The following USP3 variants were observed in gnomAD, a reference collection of about 807,000 sequenced individuals.
The protein encoded by USP3 is ubiquitin carboxyl-terminal hydrolase 3.
In USP3, 20 loss-of-function variants were observed where a neutral mutation model predicts 72.3. The observed-to-expected ratio is 0.28, with a 90% CI of 0.19 to 0.40. The LOEUF (loss-of-function observed/expected upper bound fraction) is 0.40, where lower values mean the gene tolerates loss of function less well. USP3 is among the 10% of genes least tolerant of loss of function. USP3 has a pLI of 1.00. For synonymous variants in USP3, 222 were observed against 225.3 expected (o/e 0.99, Z 0.13); for missense variants, 479 against 633.9 (o/e 0.76, Z 2.62).
At chr15:63,508,577 G>A (rs1221248975) in intron 1 of USP3, among the ~76,000 whole-genome samples, 1 of 152,132 alleles carries the variant, frequency 6.6e-6, no homozygotes, top group African/African-American at 2.4e-5. Context: ...TTAAATAAAA[G>A]GGCATTCTCT....
At chr15:63,586,285 A>G (rs1247966917) in intron 11 of USP3, among the ~76,000 whole-genome samples, 1 of 152,162 alleles carries the variant, frequency 6.6e-6, no homozygotes, top group Non-Finnish European at 1.5e-5. Flanking sequence ...GTCTTTCACC[A>G]TTGAGTGTGA....
chr15:63,516,237 C>A (rs761077878), intron 1 of USP3, among the ~76,000 whole-genome samples: 1 of 152,174 alleles, frequency 6.6e-6, no homozygotes, highest in African/African-American at 2.4e-5. Context: ...ACCCATTCAA[C>A]GGATTAGATA....
intron 3 of USP3, among the ~76,000 whole-genome samples, chr15:63,551,513 T>C (rs1021183326): frequency 2.0e-5 from 3 of 152,080 alleles, no homozygotes; most frequent in Non-Finnish European, 4.4e-5. Context: ...CAATGCTACA[T>C]TGTTGCATAG....
At chr15:63,562,240 A>C (rs1287846722) in intron 7 of USP3, among the ~76,000 whole-genome samples, 2 of 152,216 alleles carry the variant, frequency 1.3e-5, no homozygotes, top group Non-Finnish European at 2.9e-5. Context: ...GCCCAGGAAA[A>C]AAATGAGCGT....
chr15:63,509,317 A>T (rs1191114110), intron 1 of USP3, among the ~76,000 whole-genome samples: 5 of 152,220 alleles, frequency 3.3e-5, no homozygotes, highest in Admixed American at 3.3e-4. Context: ...TGATAAATAA[A>T]GGAACTATCA....
At chr15:63,512,101 G>C (rs938916030) in intron 1 of USP3, among the ~76,000 whole-genome samples, 4 of 151,686 alleles carry the variant, frequency 2.6e-5, no homozygotes, top group African/African-American at 9.7e-5. Context: ...GATTACAGAC[G>C]CACACCACCA....
At chr15:63,512,734 C>T (rs2152648292) in intron 1 of USP3, among the ~76,000 whole-genome samples, 1 of 152,268 alleles carries the variant, frequency 6.6e-6, no homozygotes, top group African/African-American at 2.4e-5. Context: ...TGAGCCACTG[C>T]ACCAGGCCTC....
chr15:63,547,882 GAGAGAGAGAGAGAGGCAT>G lies in USP3; in HGVS notation c.285-5824_285-5807del, dbSNP rs1327624272. ...AGAGAGGCATAGAGAGAGAGAGAGAGAGAGAGAGAGAGAGGCATAGAGAGAGGCATATAGTGGCTCATG... is the reference window on the plus strand; with the variant it reads ...AGAGAGGCATAGAGAGAGAGAGAGAGAGAGAGAGGCATATAGTGGCTCATG... On this transcript the variant is annotated intron_variant, in intron 3 of 14. Coordinates refer to ENST00000380324, the MANE Select transcript of USP3 (RefSeq NM_006537.4). 2.2e-3 allele frequency among the ~76,000 whole-genome samples: 207 copies of G among 93,036 alleles called. 6 individuals carry two copies. The highest frequency in any genetic ancestry group is 8.8e-3 in the African/African-American group (199 of 22,726). 61.0% of individuals were successfully genotyped at this position (93,036 alleles called of 152,430 possible). A position where few individuals can be genotyped will look rare whatever the true frequency, so the allele number is the denominator to read the frequency against.
In USP3 at chr15:63,570,505, C is replaced by A; in HGVS notation, c.834C>A (p.Gly278=). Residue 278 remains glycine, a synonymous_variant, in exon 9 of 15, where the codon GGC becomes GGA. Transcript: ENST00000380324. This position sits in a 1 kb window ranked among gnomAD's most constrained non-coding sequence, Gnocchi z 4.4. ...ACCACCTACACTTGGAACTTCAGGG[C>A]GGTTTCAACGGTGTTTCCCGCTCAG... The part of the protein sequence containing the change: ...LLDHLHLELQ[G]GFNGVSRSAI... 1 of 1,614,158 alleles carries A rather than the reference C, an allele frequency of 6.2e-7. No homozygotes were observed. Among genetic ancestry groups the A allele is most frequent in the South Asian group, 1.1e-5 (1 of 91,090 alleles).
intron 3 of USP3, among the ~76,000 whole-genome samples, chr15:63,539,289 A>G (rs1320775130): frequency 1.3e-5 from 2 of 152,164 alleles, no homozygotes; most frequent in African/African-American, 2.4e-5. Flanking sequence ...ATAGTACCAG[A>G]TACTGAGAAC....
intron 14 of USP3, among the ~76,000 whole-genome samples, chr15:63,590,056 C>T (rs1009483658): frequency 4.6e-5 from 7 of 152,118 alleles, no homozygotes; most frequent in African/African-American, 1.2e-4. Flanking sequence ...TTGTTCTTCC[C>T]GGTATTTCTT....
intron 3 of USP3, among the ~76,000 whole-genome samples, chr15:63,547,693 C>T (rs1221504872): frequency 7.5e-6 from 1 of 133,986 alleles, no homozygotes; most frequent in Non-Finnish European, 1.6e-5. Context: ...TCTGTGATAG[C>T]ATTGCTGCAG....
intron 11 of USP3, among the ~76,000 whole-genome samples, chr15:63,584,099 T>TC (rs2067012173): frequency 7.0e-6 from 1 of 143,208 alleles, no homozygotes; most frequent in Non-Finnish European, 1.5e-5. Context: ...TTTGTTTTTT[T>TC]TTTTTTTTTT....
At chr15:63,563,854 A>G (rs1171450389) in intron 8 of USP3, among the ~76,000 whole-genome samples, 1 of 152,256 alleles carries the variant, frequency 6.6e-6, no homozygotes, top group Non-Finnish European at 1.5e-5. Context: ...ATAAATATTT[A>G]AAAGGTAATT....
At position 63,553,550 on chromosome 15, in the gene USP3, G is replaced by C. The variant is rs1055414454; in HGVS notation, c.285-165G>C. On this transcript the variant is annotated intron_variant, in intron 3 of 14. Coordinates refer to ENST00000380324, the MANE Select transcript of USP3 (RefSeq NM_006537.4). The surrounding 1 kb of genome is among the most constrained non-coding windows in gnomAD (Gnocchi z 4.2). ...TACGTGGCTTTTAAAAAAGACTCTTGAAAAACATTCCATTGTGAATTCCAG... is the reference window on the plus strand; with the variant it reads ...TACGTGGCTTTTAAAAAAGACTCTTCAAAAACATTCCATTGTGAATTCCAG... 2.0e-6 allele frequency: 1 copy of C among 505,918 alleles called. No homozygotes were observed. Among genetic ancestry groups the C allele is most frequent in the Non-Finnish European group, 3.3e-6 (1 of 304,944 alleles). The allele number at this position is 505,918 out of a possible 1,614,324, so 31.3% of individuals were successfully genotyped here.
At chr15:63,557,530 T>G (rs1210051487) in intron 5 of USP3, among the ~76,000 whole-genome samples, 1 of 152,206 alleles carries the variant, frequency 6.6e-6, no homozygotes, top group Non-Finnish European at 1.5e-5. Flanking sequence ...CCCAAAGTGC[T>G]AGGAGTACAG....
rs1482658403 is a variant in USP3 at position 63,592,228 on chromosome 15, T to C, written c.*1402T>C. 6.6e-6 allele frequency: 1 copy of C among 151,992 alleles called. No homozygotes were observed. The highest frequency in any genetic ancestry group is 1.5e-5 in the Non-Finnish European group (1 of 68,004). 9.4% of individuals were successfully genotyped at this position (151,992 alleles called of 1,614,324 possible). ...GAGCCATCACGCCCAGACAGTTTTG[T>C]TTTTAAAAAACAGATTTAACTCAAA... On this transcript the variant is annotated 3_prime_UTR_variant, in exon 15 of 15. Coordinates refer to ENST00000380324, the MANE Select transcript of USP3 (RefSeq NM_006537.4).
In USP3 at chr15:63,569,729, T is replaced by C. The variant is rs150167043; in HGVS notation, c.762-704T>C. On this transcript the variant is annotated intron_variant, in intron 8 of 14. Coordinates refer to ENST00000380324, the MANE Select transcript of USP3 (RefSeq NM_006537.4). ...TGCCTTTGTTCCTGTTCACTGTCAT[T>C]GATCTATATATTCGTATAAGAATTT... Among the ~76,000 whole-genome samples the C allele has an allele frequency of 9.1e-4, 138 of 152,336 alleles. 1 individual carries two copies. Among genetic ancestry groups the C allele is most frequent in the African/African-American group, 3.2e-3 (135 of 41,576 alleles).
Position 63,588,445 on chromosome 15 carries a change from A to G in USP3, c.1215+22A>G. 1 of 1,539,652 alleles carries G rather than the reference A, an allele frequency of 6.5e-7. No individual in the cohort carries two copies. The highest frequency in any genetic ancestry group is 8.9e-7 in the Non-Finnish European group (1 of 1,126,400). ...CAAGGTGAGTGTTGAATTTTGAGTT[A>G]TGAAGCAATTTCAATGGGAAAGTGC... is the stretch of plus-strand genomic sequence containing the variant. On this transcript the variant is annotated intron_variant, in intron 12 of 14. Transcript: ENST00000380324. The surrounding 1 kb of genome is among the most constrained non-coding windows in gnomAD (Gnocchi z 4.6).
Sources: gnomAD v4.1 joint callset for allele counts (sites outside exome capture counted in the v4.1 genomes callset) on GRCh38, gnomAD v4.1.1 for gene constraint, Gnocchi (gnomAD v3.1) non-coding constraint, MANE v1.5 for transcripts, NCBI Gene and HGNC (gene_info 2026-07-23, HGNC 2026-07-21) for gene names.